The following CSMD1 variants were observed in gnomAD, a reference collection of about 807,000 sequenced individuals.
The protein encoded by CSMD1 is CUB and sushi domain-containing protein 1.
A neutral mutation model predicts 417.5 loss-of-function variants in CSMD1; 213 were observed. The ratio of observed to expected loss-of-function variants is 0.51; its 90% CI spans 0.46 to 0.57. The LOEUF (loss-of-function observed/expected upper bound fraction) is 0.57, where lower values mean the gene tolerates loss of function less well. Among genes scored for constraint, CSMD1 ranks in the 20% least tolerant of loss-of-function variants. The pLI, the probability that CSMD1 is intolerant of heterozygous loss-of-function variation, is 0.00. For missense variants in CSMD1, 6,923 were observed against 4,529.7 expected (o/e 1.53, Z -15.17); for synonymous variants, 2,862 against 1,736.8 (o/e 1.65, Z -16.11).
intron 7 of CSMD1, among the ~76,000 whole-genome samples, chr8:3,651,699 C>T (rs1797865672): frequency 1.3e-5 from 2 of 152,108 alleles, no homozygotes; most frequent in Non-Finnish European, 2.9e-5. Flanking sequence ...CATCAGAGCG[C>T]TTACCACCAT....
intron 8 of CSMD1, among the ~76,000 whole-genome samples, chr8:3,613,714 C>G (rs896503600): frequency 1.6e-4 from 17 of 108,394 alleles, no homozygotes; most frequent in African/African-American, 5.9e-4. Context: ...CACACACACA[C>G]ACACACACAC....
At chr8:4,719,900 G>C (rs958182525) in intron 1 of CSMD1, among the ~76,000 whole-genome samples, 8 of 151,898 alleles carry the variant, frequency 5.3e-5, no homozygotes, top group African/African-American at 1.9e-4. Flanking sequence ...ATCTATATTC[G>C]ACCTCACTTT....
chr8:4,174,349 T>C (rs1327445754), intron 3 of CSMD1, among the ~76,000 whole-genome samples: 1 of 152,148 alleles, frequency 6.6e-6, no homozygotes, highest in African/African-American at 2.4e-5. Context: ...CAGATTAAAG[T>C]GCAGTCTCTG....
chr8:4,777,337 G>C (rs1253959906), intron 1 of CSMD1, among the ~76,000 whole-genome samples: 1 of 152,188 alleles, frequency 6.6e-6, no homozygotes, highest in African/African-American at 2.4e-5. Context: ...AAATGAGAGA[G>C]TGCCTTTGGT....
intron 23 of CSMD1, among the ~76,000 whole-genome samples, chr8:3,321,929 G>T (rs988893487): frequency 6.6e-6 from 1 of 152,174 alleles, no homozygotes; most frequent in African/African-American, 2.4e-5. Flanking sequence ...AATGGATTCA[G>T]TATTATTTAG....
At chr8:4,948,734 T>A (rs1808537110) in intron 1 of CSMD1, among the ~76,000 whole-genome samples, 1 of 152,126 alleles carries the variant, frequency 6.6e-6, no homozygotes, top group South Asian at 2.1e-4. Context: ...TCTGTACCAT[T>A]TAAGAAAAGT....
intron 5 of CSMD1, among the ~76,000 whole-genome samples, chr8:3,806,576 C>A (rs2129074804): frequency 6.6e-6 from 1 of 152,266 alleles, no homozygotes; most frequent in South Asian, 2.1e-4. Context: ...AATGTAAACT[C>A]CTGCAGAGCT....
chr8:3,122,907 T>C (rs556021064), intron 41 of CSMD1, among the ~76,000 whole-genome samples: 2 of 152,274 alleles, frequency 1.3e-5, no homozygotes, highest in South Asian at 2.1e-4. Flanking sequence ...TGTTTTTGTG[T>C]CTGATAAGTA....
chr8:4,246,354 G>C (rs1252428467), intron 3 of CSMD1, among the ~76,000 whole-genome samples: 3 of 152,142 alleles, frequency 2.0e-5, no homozygotes, highest in African/African-American at 7.2e-5. Flanking sequence ...GACACGGTCA[G>C]TCCTTAGAAG....
chr8:3,656,219 A>C (rs1202629229), intron 7 of CSMD1, among the ~76,000 whole-genome samples: 1 of 152,192 alleles, frequency 6.6e-6, no homozygotes, highest in Non-Finnish European at 1.5e-5. Context: ...GCTGTTAGAC[A>C]TAACCATGTG....
At chr8:4,654,500 A>G (rs1282620878) in intron 1 of CSMD1, among the ~76,000 whole-genome samples, 1 of 152,106 alleles carries the variant, frequency 6.6e-6, no homozygotes, top group Non-Finnish European at 1.5e-5. Flanking sequence ...ACGAAGTACC[A>G]GGCAATGCAT....
chr8:3,600,521 G>C (rs974568999), intron 8 of CSMD1, among the ~76,000 whole-genome samples: 3 of 152,166 alleles, frequency 2.0e-5, no homozygotes, highest in African/African-American at 7.2e-5. Context: ...CTACCACTCA[G>C]AGACTATGAA....
chr8:3,367,461 G>A (rs1051598604), intron 19 of CSMD1, among the ~76,000 whole-genome samples: 1 of 152,032 alleles, frequency 6.6e-6, no homozygotes, highest in Non-Finnish European at 1.5e-5. Context: ...GAGAGATGGA[G>A]AGGAGAGAGA....
chr8:3,072,564 G>C (rs1813393149), intron 49 of CSMD1, among the ~76,000 whole-genome samples: 2 of 152,184 alleles, frequency 1.3e-5, no homozygotes, highest in Non-Finnish European at 2.9e-5. Flanking sequence ...AGGTGTTTAT[G>C]TGCATGTGTG....
At position 3,695,464 on chromosome 8, in the gene CSMD1, G is replaced by C. The variant is rs78308118; in HGVS notation, c.1009+12950C>G. ...ATTGAATATTAATATAAAATCATGA[G>C]AAATACAAATCTGGCTTTACCTTAT... On this transcript the variant is annotated intron_variant, in intron 7 of 69. Transcript: ENST00000635120. Among the ~76,000 whole-genome samples, 1,163 of 152,106 alleles carry C rather than the reference G, an allele frequency of 7.6e-3. 39 individuals carry two copies. The East Asian group carries it at 0.11, about 15-fold the overall frequency.
chr8:3,545,533 C>T (rs1173625719), intron 10 of CSMD1, among the ~76,000 whole-genome samples: 2 of 152,140 alleles, frequency 1.3e-5, no homozygotes, highest in African/African-American at 4.8e-5. Context: ...GGTATAATTT[C>T]ACCACTCTAA....
intron 1 of CSMD1, among the ~76,000 whole-genome samples, chr8:4,760,634 G>C (rs79150251): frequency 0.083 from 12,650 of 152,162 alleles, 615 homozygotes; most frequent in Non-Finnish European, 0.11. Context: ...CAATATTGTT[G>C]TATAAGTATG....
intron 12 of CSMD1, among the ~76,000 whole-genome samples, chr8:3,437,939 T>A (rs533862895): frequency 2.7e-4 from 41 of 152,096 alleles, no homozygotes; most frequent in African/African-American, 9.6e-4. Context: ...CAGGGTTTCA[T>A]CATGTTGGCC....
At chr8:2,955,906 A>G (rs1047357090) in intron 63 of CSMD1, 138 bp from the exon 64 acceptor site, 3 of 563,050 alleles carry the variant, frequency 5.3e-6, no homozygotes, top group Non-Finnish European at 8.7e-6. Context: ...ACACATATAT[A>G]TGTATATTTT....
Sources: gnomAD v4.1 joint callset for allele counts (sites outside exome capture counted in the v4.1 genomes callset) on GRCh38, gnomAD v4.1.1 for gene constraint, MANE v1.5 for transcripts, NCBI Gene and HGNC (gene_info 2026-07-23, HGNC 2026-07-21) for gene names.